Variants in RAPGEF4 observed in about 807,000 individuals in gnomAD.
RAPGEF4 encodes the protein Rap guanine nucleotide exchange factor 4.
A neutral mutation model predicts 147.9 loss-of-function variants in RAPGEF4; 66 were observed. That is an observed-to-expected ratio of 0.45 (90% CI 0.37 to 0.55). The LOEUF is 0.55. Among genes scored for constraint, RAPGEF4 ranks in the 20% least tolerant of loss-of-function variants. The pLI is 0.00. For synonymous variants in RAPGEF4, 419 were observed against 442.7 expected (o/e 0.95, Z 0.67); for missense variants, 1,071 against 1,257.3 (o/e 0.85, Z 2.24).
chr2:172,739,496 C>T (rs2884281), intron 1 of RAPGEF4, among the ~76,000 whole-genome samples: 91,183 of 151,710 alleles, frequency 0.6, 28,693 homozygotes, highest in Middle Eastern at 0.81. Flanking sequence ...CTCAGCCTCC[C>T]GAGTAGCTGG....
chr2:172,934,767 A>G (rs1686372081), intron 6 of RAPGEF4, among the ~76,000 whole-genome samples: 1 of 151,278 alleles, frequency 6.6e-6, no homozygotes, highest in Non-Finnish European at 1.5e-5. Context: ...AAGTTTCAGT[A>G]TTCACCCCCT....
At chr2:172,845,066 G>C (rs1420637152) in intron 4 of RAPGEF4, among the ~76,000 whole-genome samples, 2 of 152,194 alleles carry the variant, frequency 1.3e-5, no homozygotes, top group African/African-American at 2.4e-5. Flanking sequence ...GATGGGAATA[G>C]TAATACAAAT....
intron 4 of RAPGEF4, among the ~76,000 whole-genome samples, chr2:172,894,906 C>T (rs1403119375): frequency 1.3e-5 from 2 of 152,036 alleles, no homozygotes; most frequent in Non-Finnish European, 2.9e-5. Context: ...GTAATTATTG[C>T]AGAATTGGAC....
intron 9 of RAPGEF4, among the ~76,000 whole-genome samples, chr2:172,966,623 C>A (rs1378791330): frequency 1.3e-5 from 2 of 152,044 alleles, no homozygotes; most frequent in Non-Finnish European, 2.9e-5. Flanking sequence ...TTGTCTTTGT[C>A]CTACCGAGAT....
chr2:172,965,440 T>C, intron 8 of RAPGEF4, 122 bp from the exon 9 acceptor site: 1 of 1,149,840 alleles, frequency 8.7e-7, no homozygotes, highest in Non-Finnish European at 1.3e-6. Flanking sequence ...TTGTTTGCCA[T>C]GAGACCTCTT....
chr2:172,790,121 T>G (rs1331698241), intron 1 of RAPGEF4, among the ~76,000 whole-genome samples: 7 of 143,176 alleles, frequency 4.9e-5, no homozygotes, highest in Admixed American at 4.2e-4. Flanking sequence ...CTCACCAACA[T>G]TTTTTTTTTT....
At chr2:172,747,518 G>A (rs1694888422) in intron 1 of RAPGEF4, among the ~76,000 whole-genome samples, 1 of 152,134 alleles carries the variant, frequency 6.6e-6, no homozygotes, top group Non-Finnish European at 1.5e-5. Flanking sequence ...CCAGGCTAGA[G>A]TGCAGTGGCA....
intron 4 of RAPGEF4, among the ~76,000 whole-genome samples, chr2:172,859,847 C>G (rs952858197): frequency 4.6e-5 from 7 of 152,242 alleles, no homozygotes; most frequent in Middle Eastern, 3.4e-3. Flanking sequence ...ATAAATATAC[C>G]TTTGAACTAA....
chr2:173,029,850 C>T (rs899468761), intron 25 of RAPGEF4, among the ~76,000 whole-genome samples: 5 of 152,180 alleles, frequency 3.3e-5, no homozygotes, highest in African/African-American at 1.2e-4. Flanking sequence ...TGAGATATTT[C>T]CCTCTCGGTC....
intron 4 of RAPGEF4, among the ~76,000 whole-genome samples, chr2:172,887,332 C>A (rs1697355567): frequency 6.6e-6 from 1 of 152,078 alleles, no homozygotes; most frequent in South Asian, 2.1e-4. Context: ...TTTAAGCATA[C>A]ACATTTTATC....
intron 17 of RAPGEF4, among the ~76,000 whole-genome samples, chr2:173,006,397 G>C (rs1055307435): frequency 2.6e-5 from 4 of 152,100 alleles, no homozygotes; most frequent in African/African-American, 4.8e-5. Flanking sequence ...ATTTTAAAAA[G>C]CAATAATTTT....
At chr2:172,984,800 G>A (rs1692067373) in intron 11 of RAPGEF4, among the ~76,000 whole-genome samples, 1 of 152,204 alleles carries the variant, frequency 6.6e-6, no homozygotes. Context: ...GAATTGAGAG[G>A]ATTGTGGGTA....
chr2:172,918,082 G>A (rs181328281), intron 5 of RAPGEF4: 2 of 723,038 alleles, frequency 2.8e-6, no homozygotes, highest in Admixed American at 1.9e-5. Context: ...ATAGAGAGAG[G>A]TATGCTCTGG....
chr2:173,047,047 C>A (rs1352070198), intron 29 of RAPGEF4, among the ~76,000 whole-genome samples: 1 of 152,170 alleles, frequency 6.6e-6, no homozygotes, highest in Non-Finnish European at 1.5e-5. Flanking sequence ...ATCGGGGAGT[C>A]TCTTTCCCTG....
In RAPGEF4 at chr2:172,741,108, T is replaced by C. The variant is rs117960411; in HGVS notation, c.65+5060T>C. ...AGAGCAACAGAGCCTGGGAATTGGA[T>C]GATAATGAGAAGGCAGTTCTGGGAA... On this transcript the variant is annotated intron_variant, in intron 1 of 30. Coordinates refer to ENST00000397081, the MANE Select transcript of RAPGEF4 (RefSeq NM_007023.4). Among the ~76,000 whole-genome samples, 282 of 152,264 alleles carry C rather than the reference T, an allele frequency of 1.9e-3. 11 individuals are homozygous for C. The South Asian group carries it at 0.047, about 25-fold the overall frequency.
intron 1 of RAPGEF4, among the ~76,000 whole-genome samples, chr2:172,779,957 A>G (rs1157671056): frequency 1.3e-5 from 2 of 152,210 alleles, no homozygotes; most frequent in Non-Finnish European, 2.9e-5. Context: ...CACTAATGCC[A>G]GTTTTCAATT....
intron 23 of RAPGEF4, among the ~76,000 whole-genome samples, chr2:173,024,363 G>A (rs1362490935): frequency 6.7e-6 from 1 of 148,346 alleles, no homozygotes; most frequent in East Asian, 2.0e-4. Flanking sequence ...GACTACAGGC[G>A]CCCGCCACTA....
intron 1 of RAPGEF4, among the ~76,000 whole-genome samples, chr2:172,779,858 A>G (rs1471089078): frequency 2.0e-5 from 3 of 152,116 alleles, no homozygotes; most frequent in African/African-American, 4.8e-5. Context: ...TTTTAATGTA[A>G]TATTTGCGTG....
At chr2:172,870,708 A>G (rs151336810) in intron 4 of RAPGEF4, among the ~76,000 whole-genome samples, 20 of 152,314 alleles carry the variant, frequency 1.3e-4, no homozygotes, top group Non-Finnish European at 2.5e-4. Context: ...GTGCATGGAT[A>G]TAGCCAGGTG....
Sources: gnomAD v4.1 joint callset for allele counts (sites outside exome capture counted in the v4.1 genomes callset) on GRCh38, gnomAD v4.1.1 for gene constraint, MANE v1.5 for transcripts, NCBI Gene and HGNC (gene_info 2026-07-23, HGNC 2026-07-21) for gene names.